Variants in ZBTB20 observed in about 807,000 individuals in gnomAD.
The protein encoded by ZBTB20 is zinc finger and BTB domain-containing protein 20.
Under a neutral mutation model 56.9 loss-of-function variants are expected in ZBTB20, and 9 were observed. The observed-to-expected ratio is 0.16, with a 90% CI of 0.10 to 0.28. ZBTB20 has a LOEUF of 0.28. Among genes scored for constraint, ZBTB20 ranks in the 10% least tolerant of loss-of-function variants. ZBTB20 has a pLI of 1.00. For missense variants in ZBTB20, 655 were observed against 1,003.0 expected (o/e 0.65, Z 4.69); for synonymous variants, 417 against 420.7 (o/e 0.99, Z 0.11).
intron 6 of ZBTB20, among the ~76,000 whole-genome samples, chr3:114,599,016 A>ACCTTCTTAGACACCT (rs2056554311): frequency 6.6e-6 from 1 of 152,044 alleles, no homozygotes; most frequent in African/African-American, 2.4e-5. Flanking sequence ...TCTGCTATAT[A>ACCTTCTTAGACACCT]CCTTCTTAGA....
chr3:114,334,417 A>C lies in ZBTB20; in HGVS notation c.*4588T>G, dbSNP rs995494493. ...TTTGACTTCTGTGCTGAGAGAAAAT[A>C]TTGAGTTTTGGGCGCAGGCAGAGCA... On this transcript the variant is annotated 3_prime_UTR_variant, in exon 12 of 12. Coordinates refer to ENST00000675478, the MANE Select transcript of ZBTB20 (RefSeq NM_001348800.3). 6.6e-6 allele frequency: 1 copy of C among 152,212 alleles called. No homozygotes were observed. Among genetic ancestry groups the C allele is most frequent in the Non-Finnish European group, 1.5e-5 (1 of 68,058 alleles). 9.4% of individuals were successfully genotyped at this position (152,212 alleles called of 1,614,324 possible).
intron 6 of ZBTB20, among the ~76,000 whole-genome samples, chr3:114,508,774 T>C (rs116002627): frequency 0.011 from 1,620 of 152,204 alleles, 24 homozygotes; most frequent in Non-Finnish European, 0.011. Context: ...CATAAGAACA[T>C]GAATCAAAGA....
intron 7 of ZBTB20, among the ~76,000 whole-genome samples, chr3:114,469,112 A>G (rs1369730816): frequency 6.6e-6 from 1 of 152,074 alleles, no homozygotes; most frequent in Non-Finnish European, 1.5e-5. Flanking sequence ...TGTGGACCAA[A>G]CATACATTTT....
At chr3:114,882,200 T>C (rs980521470) in intron 4 of ZBTB20, among the ~76,000 whole-genome samples, 2 of 152,120 alleles carry the variant, frequency 1.3e-5, no homozygotes, top group Non-Finnish European at 2.9e-5. Context: ...AGTGAAATTT[T>C]AATATGTTGT....
chr3:114,346,607 T>G (rs1226750658), intron 11 of ZBTB20, among the ~76,000 whole-genome samples: 1 of 152,064 alleles, frequency 6.6e-6, no homozygotes, highest in Admixed American at 6.5e-5. Flanking sequence ...GCTTTACAAC[T>G]AAAGCTTCCT....
chr3:114,934,372 T>G (rs1456610650), intron 3 of ZBTB20, among the ~76,000 whole-genome samples: 1 of 152,214 alleles, frequency 6.6e-6, no homozygotes, highest in South Asian at 2.1e-4. Flanking sequence ...TTTGCTCTTT[T>G]CTGAAATCGC....
At chr3:114,581,182 T>C (rs940165575) in intron 6 of ZBTB20, among the ~76,000 whole-genome samples, 22 of 152,010 alleles carry the variant, frequency 1.4e-4, no homozygotes, top group Admixed American at 1.3e-3. Flanking sequence ...GAATGACTAA[T>C]TTTTTAAATA....
At chr3:114,977,489 G>T (rs1310333339) in intron 2 of ZBTB20, among the ~76,000 whole-genome samples, 1 of 152,108 alleles carries the variant, frequency 6.6e-6, no homozygotes, top group East Asian at 1.9e-4. Context: ...TATTGGCATT[G>T]GAAGAGATAG....
At chr3:114,470,667 G>C (rs1308869287) in intron 7 of ZBTB20, among the ~76,000 whole-genome samples, 1 of 152,136 alleles carries the variant, frequency 6.6e-6, no homozygotes, top group Non-Finnish European at 1.5e-5. Flanking sequence ...GATTTAGTTA[G>C]TGTCTTTTTG....
Position 114,505,906 on chromosome 3 carries a change from T to C in ZBTB20, c.-294-5515A>G, listed in dbSNP as rs868035303. The stretch of plus-strand genomic sequence containing the variant: ...TCAAAAAAATTTGTACTAGATTTAA[T>C]GACATTTCATGCATCTTGAATTTGG... On this transcript the variant is annotated intron_variant, in intron 6 of 11. Transcript: ENST00000675478. Among the ~76,000 whole-genome samples the C allele has an allele frequency of 2.6e-5, 4 of 152,268 alleles. No individual in the cohort carries two copies. In the Middle Eastern group the frequency reaches 0.01, roughly 388 times the overall value.
chr3:114,605,406 A>G (rs939676897), intron 6 of ZBTB20, among the ~76,000 whole-genome samples: 4 of 152,186 alleles, frequency 2.6e-5, no homozygotes, highest in African/African-American at 9.7e-5. Context: ...TTGTGTAAGA[A>G]TTTCTTCCTC....
intron 6 of ZBTB20, among the ~76,000 whole-genome samples, chr3:114,551,456 A>G (rs1431619270): frequency 2.0e-5 from 3 of 152,206 alleles, no homozygotes; most frequent in East Asian, 3.8e-4. Context: ...GGTGGTATAT[A>G]CAAGTCAATG....
At chr3:114,795,866 T>C (rs976085778) in intron 5 of ZBTB20, among the ~76,000 whole-genome samples, 10 of 152,122 alleles carry the variant, frequency 6.6e-5, no homozygotes, top group African/African-American at 2.4e-4. Context: ...TCTATTGTGG[T>C]AGACTCAGTA....
chr3:114,509,822 T>C (rs1212382231), intron 6 of ZBTB20, among the ~76,000 whole-genome samples: 1 of 152,176 alleles, frequency 6.6e-6, no homozygotes, highest in Non-Finnish European at 1.5e-5. Flanking sequence ...CCTCTCACAA[T>C]ATCTTTCTGC....
chr3:114,663,214 A>C (rs2060841868), intron 6 of ZBTB20, among the ~76,000 whole-genome samples: 1 of 146,346 alleles, frequency 6.8e-6, no homozygotes, highest in South Asian at 2.3e-4. Flanking sequence ...ACAAGCCAGA[A>C]GAGAGTGGGG....
intron 11 of ZBTB20, among the ~76,000 whole-genome samples, chr3:114,340,337 GTATTCT>G (rs1408106418): frequency 6.6e-6 from 1 of 151,594 alleles, no homozygotes; most frequent in East Asian, 1.9e-4. Flanking sequence ...TACATGCATG[GTATTCT>G]TATTACAAGG....
intron 6 of ZBTB20, among the ~76,000 whole-genome samples, chr3:114,507,945 G>GA (rs1165208857): frequency 6.6e-6 from 1 of 152,042 alleles, no homozygotes; most frequent in Non-Finnish European, 1.5e-5. Flanking sequence ...ATAAAATTGG[G>GA]AAAAATGTAC....
chr3:114,381,110 G>A (rs930844522), intron 8 of ZBTB20, among the ~76,000 whole-genome samples, 170 bp from the exon 9 acceptor site: 2 of 152,164 alleles, frequency 1.3e-5, no homozygotes, highest in African/African-American at 4.8e-5. Context: ...GGATGAGGGG[G>A]TAGTGATGGG....
intron 7 of ZBTB20, among the ~76,000 whole-genome samples, chr3:114,410,281 A>G (rs1387100076): frequency 1.3e-5 from 2 of 151,888 alleles, no homozygotes; most frequent in African/African-American, 2.4e-5. Flanking sequence ...TCTCTCTCCA[A>G]TTATCATTTA....
Sources: allele counts gnomAD v4.1 joint callset (sites outside exome capture counted in the v4.1 genomes callset), GRCh38; gene constraint gnomAD v4.1.1; transcripts MANE v1.5; gene names NCBI Gene and HGNC (gene_info 2026-07-23, HGNC 2026-07-21).